Variants in PPP2R3A observed in about 807,000 individuals in gnomAD.
PPP2R3A encodes protein phosphatase 2 regulatory subunit B''alpha, also known as serine/threonine-protein phosphatase 2A regulatory subunit B'' subunit alpha.
PPP2R3A carries 80 observed loss-of-function variants against 106.9 expected under a neutral mutation model. The observed-to-expected ratio is 0.75, with a 90% CI of 0.62 to 0.90. The LOEUF (loss-of-function observed/expected upper bound fraction) is 0.90. Ranked by LOEUF, PPP2R3A falls within the 40% of genes least tolerant of loss-of-function variation. The pLI, the probability that PPP2R3A is intolerant of heterozygous loss-of-function variation, is 0.00. For synonymous variants in PPP2R3A, 483 were observed against 468.3 expected, an observed-to-expected ratio of 1.03 and a Z score of -0.41; for missense variants, 1,386 against 1,350.4, an observed-to-expected ratio of 1.03 and a Z score of -0.41.
intron 5 of PPP2R3A, among the ~76,000 whole-genome samples, chr3:136,063,865 C>G (rs1259951332): frequency 6.7e-6 from 1 of 149,984 alleles, no homozygotes; most frequent in Non-Finnish European, 1.5e-5. Context: ...GTGGCGATTC[C>G]TCAGGGATCT....
In PPP2R3A at chr3:136,082,315, C is replaced by T. The variant is rs72985424; in HGVS notation, c.2682C>T (p.Tyr894=). 9.2e-4 allele frequency: 1,473 copies of T among 1,602,964 alleles called. 12 individuals are homozygous for T. The African/African-American group carries it at 0.018, about 20-fold the overall frequency. ...AAGATATAAACCAAATTACAGATTA[C>T]TTCTCCTATGAACATTTCTATGTTA... ...EEEDINQITD[Y]FSYEHFYVIY... The change falls in exon 8 of 14, where the codon TAC becomes TAT. Residue 894 remains tyrosine, a synonymous_variant. Transcript: ENST00000264977.
rs539461656 is a variant in PPP2R3A, at chr3:136,017,354, G to A, written c.1996-9478G>A. ...TTTGGATATCTAGATCTCTAGCAAC[G>A]CCAGGGAAGTTTTCCTTGATTATTC... On this transcript the variant is annotated intron_variant, in intron 2 of 13. Transcript: ENST00000264977. Among the ~76,000 whole-genome samples the A allele has an allele frequency of 8.0e-4, 122 of 152,260 alleles. 1 individual carries two copies. Among genetic ancestry groups the A allele is most frequent in the Admixed American group, 1.2e-3 (19 of 15,278 alleles).
intron 1 of PPP2R3A, among the ~76,000 whole-genome samples, chr3:135,974,290 T>C (rs1179791741): frequency 6.6e-6 from 1 of 152,208 alleles, no homozygotes; most frequent in African/African-American, 2.4e-5. Flanking sequence ...CTCATGACTT[T>C]AAATACCATC....
intron 13 of PPP2R3A, among the ~76,000 whole-genome samples, chr3:136,128,617 G>C (rs2108012763): frequency 1.3e-5 from 2 of 152,316 alleles, no homozygotes; most frequent in Middle Eastern, 6.8e-3. Flanking sequence ...CAATGAGACA[G>C]AAAGTTAACA....
At position 136,102,079 on chromosome 3, in the gene PPP2R3A, C is replaced by T. The variant is rs749873649; in HGVS notation, c.3000C>T (p.Phe1000=). The change falls in exon 11 of 14, where the codon TTC becomes TTT. Residue 1000 remains phenylalanine, a synonymous_variant. Transcript: ENST00000264977. ...GVLSMYELEY[F]YEEQCERMEA... is the part of the protein sequence containing the mutation. ...TCTCCATGTATGAGCTGGAGTACTT[C>T]TATGAGGAGCAGTGTGAACGGATGG... 7 of 1,614,012 alleles carry T rather than the reference C, an allele frequency of 4.3e-6. No individual in the cohort carries two copies. The highest frequency in any genetic ancestry group is 5.9e-6 in the Non-Finnish European group (7 of 1,179,996).
At chr3:136,031,878 A>G (rs774415768) in intron 3 of PPP2R3A, among the ~76,000 whole-genome samples, 113 of 152,212 alleles carry the variant, frequency 7.4e-4, no homozygotes, top group Middle Eastern at 6.8e-3. Flanking sequence ...TATTTTTATA[A>G]CAGTACCATG....
chr3:136,043,916 G>A (rs1935381765), intron 4 of PPP2R3A, among the ~76,000 whole-genome samples: 1 of 152,150 alleles, frequency 6.6e-6, no homozygotes, highest in Non-Finnish European at 1.5e-5. Flanking sequence ...CAGTAACACT[G>A]GCAGAAAATT....
chr3:136,056,389 G>A (rs1458454545), intron 5 of PPP2R3A, among the ~76,000 whole-genome samples: 7 of 152,122 alleles, frequency 4.6e-5, no homozygotes. Context: ...TATAGTAAGT[G>A]TAAGGTGTTA....
intron 4 of PPP2R3A, among the ~76,000 whole-genome samples, 190 bp from the exon 5 acceptor site, chr3:136,049,069 A>G (rs73863190): frequency 0.053 from 8,141 of 152,262 alleles, 740 homozygotes; most frequent in African/African-American, 0.18. Context: ...AAGAGGGTCT[A>G]ATAGACTTCA....
intron 13 of PPP2R3A, among the ~76,000 whole-genome samples, chr3:136,122,400 T>C (rs994274246): frequency 1.3e-5 from 2 of 152,180 alleles, no homozygotes; most frequent in Non-Finnish European, 2.9e-5. Context: ...TGCCTGTGTG[T>C]ACCCAAATTT....
chr3:136,109,322 C>T (rs902870366), intron 13 of PPP2R3A, among the ~76,000 whole-genome samples: 12 of 152,094 alleles, frequency 7.9e-5, no homozygotes, highest in Admixed American at 1.3e-4. Context: ...ACAGACCATG[C>T]GGCATAAACT....
chr3:136,104,204 ACCT>A (rs1937454871), intron 12 of PPP2R3A, among the ~76,000 whole-genome samples: 1 of 152,162 alleles, frequency 6.6e-6, no homozygotes, highest in African/African-American at 2.4e-5. Flanking sequence ...TCTGCAGCTG[ACCT>A]CAGCATATCA....
intron 1 of PPP2R3A, among the ~76,000 whole-genome samples, chr3:135,997,354 A>G (rs1358052867): frequency 6.6e-6 from 1 of 152,102 alleles, no homozygotes; most frequent in Non-Finnish European, 1.5e-5. Flanking sequence ...CAGCCTCCAT[A>G]AAACTGCTTT....
At chr3:135,989,872 T>C (rs1048323183) in intron 1 of PPP2R3A, among the ~76,000 whole-genome samples, 1 of 152,172 alleles carries the variant, frequency 6.6e-6, no homozygotes, top group African/African-American at 2.4e-5. Context: ...TACTTTTGTT[T>C]AAAAAGTTAT....
chr3:136,132,840 C>A (rs1017694141), intron 13 of PPP2R3A, among the ~76,000 whole-genome samples: 5 of 151,948 alleles, frequency 3.3e-5, no homozygotes, highest in Non-Finnish European at 5.9e-5. Context: ...GACTAGATTA[C>A]CTGATTTCAA....
chr3:136,000,664 A>G (rs1358604822), intron 1 of PPP2R3A, among the ~76,000 whole-genome samples: 3 of 152,144 alleles, frequency 2.0e-5, no homozygotes, highest in Admixed American at 6.5e-5. Flanking sequence ...ATGATTATAG[A>G]TGGATTGGAA....
chr3:136,021,306 G>A (rs545675215), intron 2 of PPP2R3A, among the ~76,000 whole-genome samples: 108 of 152,098 alleles, frequency 7.1e-4, no homozygotes, highest in African/African-American at 2.6e-3. Context: ...AATAAGGAAC[G>A]ACTCAGGATG....
In PPP2R3A at chr3:136,100,361, C is replaced by A. The variant is rs190940110; in HGVS notation, c.2928-1646C>A. 5.6e-4 allele frequency among the ~76,000 whole-genome samples: 84 copies of A among 150,098 alleles called. 1 individual carries two copies. The highest frequency in any genetic ancestry group is 3.6e-3 in the South Asian group (17 of 4,774). ...CCTGTCTCTACCAAAAAAAAAAGAA[C>A]TTTTATTATTATTATTATTAAAAAT... On this transcript the variant is annotated intron_variant, in intron 10 of 13. Transcript: ENST00000264977.
chr3:136,095,135 GT>G (rs200773773), intron 10 of PPP2R3A, among the ~76,000 whole-genome samples: 9 of 149,878 alleles, frequency 6.0e-5, no homozygotes, highest in African/African-American at 1.5e-4. Flanking sequence ...TCTTTGAACT[GT>G]TTTTTTTTTC....
Sources: allele counts gnomAD v4.1 joint callset (sites outside exome capture counted in the v4.1 genomes callset), GRCh38; gene constraint gnomAD v4.1.1; transcripts MANE v1.5; gene names NCBI Gene and HGNC (gene_info 2026-07-23, HGNC 2026-07-21).